Variants in MLLT10 observed in about 807,000 individuals in gnomAD.
MLLT10 encodes MLLT10 histone lysine methyltransferase DOT1L cofactor.
Under a neutral mutation model 129.1 loss-of-function variants are expected in MLLT10, and 30 were observed. That is an observed-to-expected ratio of 0.23 (90% CI 0.17 to 0.32). The LOEUF (loss-of-function observed/expected upper bound fraction) is 0.32. MLLT10 is among the 10% of genes least tolerant of loss of function. MLLT10 has a pLI of 1.00. For synonymous variants in MLLT10, 490 were observed against 446.4 expected, an observed-to-expected ratio of 1.10 and a Z score of -1.23; for missense variants, 1,119 against 1,268.3, an observed-to-expected ratio of 0.88 and a Z score of 1.79.
At chr10:21,595,215 A>G (rs553175289) in intron 4 of MLLT10, 116 bp from the exon 5 acceptor site, 5 of 649,916 alleles carry the variant, frequency 7.7e-6, no homozygotes, top group Middle Eastern at 2.7e-4. Flanking sequence ...GAATTTGTTA[A>G]TGTCCTTGTT....
intron 5 of MLLT10, among the ~76,000 whole-genome samples, chr10:21,602,190 T>C (rs1589171296): frequency 6.6e-6 from 1 of 152,136 alleles, no homozygotes; most frequent in East Asian, 1.9e-4. Flanking sequence ...GCATAGATGC[T>C]AATTTCTAGA....
chr10:21,681,402 C>T, intron 12 of MLLT10, 26 bp downstream of exon 12: 1 of 1,561,404 alleles, frequency 6.4e-7, no homozygotes. Flanking sequence ...GGGTTGATAA[C>T]CCGGGCCTTT....
chr10:21,682,062 A>G (rs1189324276), intron 12 of MLLT10, among the ~76,000 whole-genome samples, 163 bp from the exon 13 acceptor site: 1 of 152,222 alleles, frequency 6.6e-6, no homozygotes. Context: ...AAAAATTTAT[A>G]CCATGTAAAA....
chr10:21,584,573 C>T (rs1358557072), intron 3 of MLLT10, among the ~76,000 whole-genome samples: 1 of 152,130 alleles, frequency 6.6e-6, no homozygotes, highest in Non-Finnish European at 1.5e-5. Context: ...TTTGGCCTCC[C>T]AAAGTGCTGC....
At chr10:21,561,162 GA>G (rs953138357) in intron 3 of MLLT10, among the ~76,000 whole-genome samples, 2 of 152,144 alleles carry the variant, frequency 1.3e-5, no homozygotes, top group African/African-American at 4.8e-5. Context: ...TCATATCCAA[GA>G]AATGATTGTC....
intron 16 of MLLT10, among the ~76,000 whole-genome samples, chr10:21,729,372 T>C (rs2057771092): frequency 6.6e-6 from 1 of 152,198 alleles, no homozygotes; most frequent in Non-Finnish European, 1.5e-5. Context: ...TAACAAATGG[T>C]ACTAAATTAT....
At position 21,534,314 on chromosome 10, in the gene MLLT10, T is replaced by TCC. The variant is rs1468963386; in HGVS notation, c.-202_-201dup. ...CCCCTGGCCCAGCGGGAGCCCCCCC[T>TCC]CCCCCCAGTGCGCCTGTGCGGAGGC... On this transcript the variant is annotated 5_prime_UTR_variant, in exon 1 of 23. Transcript: ENST00000307729. 3.3e-6 allele frequency: 1 copy of TCC among 305,438 alleles called. No homozygotes were observed. The highest frequency in any genetic ancestry group is 6.0e-6 in the Non-Finnish European group (1 of 166,580). The allele number at this position is 305,438 out of a possible 1,614,324, so 18.9% of individuals were successfully genotyped here.
At chr10:21,594,407 G>T (rs2042817641) in intron 4 of MLLT10, among the ~76,000 whole-genome samples, 1 of 151,810 alleles carries the variant, frequency 6.6e-6, no homozygotes, top group East Asian at 1.9e-4. Flanking sequence ...AAATTAGCCG[G>T]GTGTGGTGGT....
intron 3 of MLLT10, among the ~76,000 whole-genome samples, chr10:21,554,546 C>T (rs1050276499): frequency 6.6e-5 from 10 of 151,628 alleles, no homozygotes; most frequent in Admixed American, 5.3e-4. Flanking sequence ...CTCCGCCTTC[C>T]GGGTTCAAGT....
At chr10:21,663,855 A>G (rs2050468871) in intron 9 of MLLT10, among the ~76,000 whole-genome samples, 1 of 152,032 alleles carries the variant, frequency 6.6e-6, no homozygotes. Context: ...TATGACCCCC[A>G]ATTTTTTGTT....
intron 9 of MLLT10, among the ~76,000 whole-genome samples, chr10:21,663,690 G>A (rs758596138): frequency 1.3e-5 from 2 of 151,990 alleles, no homozygotes; most frequent in African/African-American, 2.4e-5. Context: ...TCAGCCTCCC[G>A]AATAGCTGGG....
rs766607621 is a variant in MLLT10 at position 21,534,693 on chromosome 10, A to G, written c.49A>G (p.Ser17Gly). 1.9e-6 allele frequency: 3 copies of G among 1,612,696 alleles called. No individual in the cohort carries two copies. In the African/African-American group the frequency reaches 4.0e-5, roughly 22 times the overall value. Residue 17 changes from serine to glycine, a missense_variant, in exon 2 of 23, where the codon AGT (serine) becomes GGT (glycine). Ser to Gly is a moderately conservative substitution (Grantham distance 56). This residue lies in a region of MLLT10 where 35 missense variants were observed against 26.0 expected (regional missense o/e 1.35). Coordinates refer to ENST00000307729, the MANE Select transcript of MLLT10 (RefSeq NM_001195626.3). ...PVSLEDEVSH[S>G]MKEMIGGCCV... ...GTCACTGGAGGACGAGGTCTCCCAT[A>G]GTATGAAGGAGATGATTGGAGGCTG...
At chr10:21,586,230 G>A (rs2041971085) in intron 3 of MLLT10, 64 bp from the exon 4 acceptor site, 3 of 1,277,818 alleles carry the variant, frequency 2.3e-6, no homozygotes, top group Non-Finnish European at 3.3e-6. Context: ...GACGTTGCAG[G>A]GAAGATACTA....
intron 3 of MLLT10, among the ~76,000 whole-genome samples, chr10:21,580,329 G>A (rs558590233): frequency 4.8e-4 from 73 of 151,140 alleles, no homozygotes; most frequent in South Asian, 1.5e-3. Context: ...TTGGAATAGA[G>A]AAAAGAAATC....
chr10:21,592,099 T>C lies in MLLT10; in HGVS notation c.296-3232T>C, dbSNP rs556894218. Among the ~76,000 whole-genome samples, 31 of 152,332 alleles carry C rather than the reference T, an allele frequency of 2.0e-4. No individual in the cohort carries two copies. In the South Asian group the frequency reaches 4.1e-3, roughly 20 times the overall value. The stretch of plus-strand genomic sequence containing the variant: ...CCTGTTTTTTTTCCAGTCTTTGTTA[T>C]AGTTTTATAGGAAAGCTACATACAT... On this transcript the variant is annotated intron_variant, in intron 4 of 22. Coordinates refer to ENST00000307729, the MANE Select transcript of MLLT10 (RefSeq NM_001195626.3).
At chr10:21,717,736 C>CCTCCTT (rs2056795878) in intron 14 of MLLT10, among the ~76,000 whole-genome samples, 1 of 63,082 alleles carries the variant, frequency 1.6e-5, no homozygotes, top group Non-Finnish European at 3.3e-5. Context: ...TCCTCCTCCT[C>CCTCCTT]TTCCTCCTCC....
intron 21 of MLLT10, among the ~76,000 whole-genome samples, chr10:21,736,201 G>A (rs1260983552): frequency 1.3e-5 from 2 of 152,082 alleles, no homozygotes; most frequent in African/African-American, 4.8e-5. Flanking sequence ...AGAGGCAAAA[G>A]TGGAAAAAGG....
intron 17 of MLLT10, among the ~76,000 whole-genome samples, chr10:21,732,294 G>A (rs1369896983): frequency 6.6e-6 from 1 of 152,218 alleles, no homozygotes; most frequent in East Asian, 1.9e-4. Flanking sequence ...CAGACTGAAA[G>A]TCAGCCTGTT....
intron 9 of MLLT10, among the ~76,000 whole-genome samples, chr10:21,656,977 G>A (rs2131337197): frequency 6.6e-6 from 1 of 152,278 alleles, no homozygotes; most frequent in South Asian, 2.1e-4. Context: ...AAAACAAGTA[G>A]AGACAGCTTA....
Sources: allele counts gnomAD v4.1 joint callset (sites outside exome capture counted in the v4.1 genomes callset), GRCh38; gene constraint gnomAD v4.1.1; regional missense constraint gnomAD v4.1.1; transcripts MANE v1.5; gene names NCBI Gene and HGNC (gene_info 2026-07-23, HGNC 2026-07-21).